The following CACNA1H variants were observed in gnomAD, a reference collection of about 807,000 sequenced individuals.
CACNA1H encodes the protein calcium voltage-gated channel subunit alpha1 H, also known as voltage-dependent T-type calcium channel subunit alpha-1H.
A neutral mutation model predicts 192.5 loss-of-function variants in CACNA1H; 149 were observed. That is an observed-to-expected ratio of 0.77 (90% confidence interval 0.68 to 0.89). The LOEUF (loss-of-function observed/expected upper bound fraction) is 0.89, where lower values mean the gene tolerates loss of function less well. Ranked by LOEUF, CACNA1H falls within the 40% of genes least tolerant of loss-of-function variation. The pLI, the probability that CACNA1H is intolerant of heterozygous loss-of-function variation, is 0.00. For missense variants in CACNA1H, 4,257 were observed against 3,423.5 expected (o/e 1.24, Z -6.08); for synonymous variants, 2,202 against 1,475.2 (o/e 1.49, Z -11.29).
At chr16:1,169,445 C>T (rs1188203793) in intron 2 of CACNA1H, among the ~76,000 whole-genome samples, 2 of 152,210 alleles carry the variant, frequency 1.3e-5, no homozygotes, top group Non-Finnish European at 2.9e-5. Context: ...TGGTCCTCGC[C>T]AGCATGCCCG....
rs1965387520 is a variant in CACNA1H, at chr16:1,180,788, G to T, written c.300-14184G>T. 6.6e-6 allele frequency among the ~76,000 whole-genome samples: 1 copy of T among 152,142 alleles called. No individual in the cohort carries two copies. Among genetic ancestry groups the T allele is most frequent in the Admixed American group, 6.5e-5 (1 of 15,286 alleles). On this transcript the variant is annotated intron_variant, in intron 2 of 34. Transcript: ENST00000348261. The surrounding 1 kb of genome is among the most constrained non-coding windows in gnomAD (Gnocchi z 4.4). ...GCTCCCACAGGGAGGCCCCTTAGGT[G>T]AAGAGGACCAGAGTGAGGTCAGCCC... is the stretch of plus-strand genomic sequence containing the variant.
At chr16:1,170,390 C>T (rs1028982470) in intron 2 of CACNA1H, among the ~76,000 whole-genome samples, 1 of 152,154 alleles carries the variant, frequency 6.6e-6, no homozygotes, top group African/African-American at 2.4e-5. Flanking sequence ...TCCGGGGTAA[C>T]ACTGGGCAGA....
intron 2 of CACNA1H, among the ~76,000 whole-genome samples, chr16:1,168,668 G>T (rs1021821453): frequency 6.6e-6 from 1 of 152,096 alleles, no homozygotes; most frequent in African/African-American, 2.4e-5. Context: ...TTGGCCCTGT[G>T]TCAGGAGCCT....
In CACNA1H at chr16:1,195,303, C is replaced by A. The variant is rs554231331; in HGVS notation, c.412-129C>A. ...GCGAGGCAGGGCTCAGTTCCTGGGG[C>A]TCAGGGCGGGGCAGGGGCGGGGCGA... On this transcript the variant is annotated intron_variant, in intron 3 of 34. Coordinates refer to ENST00000348261, the MANE Select transcript of CACNA1H (RefSeq NM_021098.3). The A allele has an allele frequency of 1.0e-5, 12 of 1,160,546 alleles. No homozygotes were observed. The Admixed American group carries it at 2.5e-4, about 24-fold the overall frequency. The allele number at this position is 1,160,546 out of a possible 1,614,324, so 71.9% of individuals were successfully genotyped here.
In CACNA1H at chr16:1,190,530, CT is replaced by C. The variant is rs1413088342; in HGVS notation, c.300-4441del. ...CAGAGCCCCAGGGGGGCACTGGGACCTGGTACATCTGGCAGTCCCTCTCCAG... is the reference window on the plus strand; with the variant it reads ...CAGAGCCCCAGGGGGGCACTGGGACCGGTACATCTGGCAGTCCCTCTCCAG... On this transcript the variant is annotated intron_variant, in intron 2 of 34. Transcript: ENST00000348261. 9.8e-5 allele frequency among the ~76,000 whole-genome samples: 15 copies of C among 152,346 alleles called. No homozygotes were observed. In the East Asian group the frequency reaches 2.9e-3, roughly 29 times the overall value.
chr16:1,156,633 A>C (rs1013826164), intron 2 of CACNA1H, among the ~76,000 whole-genome samples: 1 of 152,100 alleles, frequency 6.6e-6, no homozygotes, highest in African/African-American at 2.4e-5. Context: ...AGGGCCCCGC[A>C]TCCCTCCTGA....
In CACNA1H at chr16:1,185,152, C is replaced by T. The variant is rs185531215; in HGVS notation, c.300-9820C>T. ...CCAGTTCTTCCCAGCATCATGTTCCCGGGTTCACCTGTGTTGTGGCGTGTG... is the reference window on the plus strand; with the variant it reads ...CCAGTTCTTCCCAGCATCATGTTCCTGGGTTCACCTGTGTTGTGGCGTGTG... On this transcript the variant is annotated intron_variant, in intron 2 of 34. Coordinates refer to ENST00000348261, the MANE Select transcript of CACNA1H (RefSeq NM_021098.3). Among the ~76,000 whole-genome samples, 526 of 152,324 alleles carry T rather than the reference C, an allele frequency of 3.5e-3. 4 individuals carry two copies. Among genetic ancestry groups the T allele is most frequent in the South Asian group, 0.015 (71 of 4,826 alleles).
At position 1,204,362 on chromosome 16, in the gene CACNA1H, G is replaced by A. The variant is rs1008296797; in HGVS notation, c.2355G>A (p.Lys785=). 1.3e-6 allele frequency: 2 copies of A among 1,575,786 alleles called. No homozygotes were observed. The highest frequency in any genetic ancestry group is 1.3e-5 in the African/African-American group (1 of 74,164). The change falls in exon 10 of 35, where the codon AAG becomes AAA. Residue 785 remains lysine, a synonymous_variant. Transcript: ENST00000348261. The part of the protein sequence containing the change: ...MGRLWVTFSG[K]LRRIVDSKYF... ...GCCTCTGGGTTACCTTCAGCGGCAA[G>A]CTGCGCCGCATCGTGGACAGCAAGT...
chr16:1,179,146 A>C lies in CACNA1H; in HGVS notation c.300-15826A>C, dbSNP rs895721476. On this transcript the variant is annotated intron_variant, in intron 2 of 34. Coordinates refer to ENST00000348261, the MANE Select transcript of CACNA1H (RefSeq NM_021098.3). ...TGGGAAGCAAAACCACAGCAGAGCC[A>C]CCCCTGGCTGGGCCTGGCCGTCGTC... Among the ~76,000 whole-genome samples the C allele has an allele frequency of 4.6e-5, 7 of 152,124 alleles. No homozygotes were observed. In the South Asian group the frequency reaches 1.5e-3, roughly 32 times the overall value.
chr16:1,205,056 G>C, intron 10 of CACNA1H, 58 bp from the exon 11 acceptor site: 1 of 1,454,024 alleles, frequency 6.9e-7, no homozygotes, highest in South Asian at 1.2e-5. Flanking sequence ...GATCAGTGCC[G>C]GTGAGGGGTG....
Position 1,219,128 on chromosome 16 carries a change from C to A in CACNA1H, c.6046C>A (p.Gln2016Lys), listed in dbSNP as rs1301389813. 6.5e-7 allele frequency: 1 copy of A among 1,533,766 alleles called. No homozygotes were observed. Among genetic ancestry groups the A allele is most frequent in the Non-Finnish European group, 8.8e-7 (1 of 1,137,882 alleles). ...SPSLSRLLCR[Q>K]EAVHTDSLEG... ...CAGTCTCAGCCGGCTGCTCTGCAGA[C>A]AGGTAGGAGAAGCCGTTGGCCTGCA... Residue 2016 changes from glutamine to lysine, a missense_variant and splice_region_variant, in exon 34 of 35, where the codon CAG becomes AAG. Coordinates refer to ENST00000348261, the MANE Select transcript of CACNA1H (RefSeq NM_021098.3).
At position 1,219,707 on chromosome 16, in the gene CACNA1H, GGCCTCA is replaced by G. The variant is rs555119481; in HGVS notation, c.6049-265_6049-260del. On this transcript the variant is annotated intron_variant, in intron 34 of 34. Coordinates refer to ENST00000348261, the MANE Select transcript of CACNA1H (RefSeq NM_021098.3). ...TGCTGATGTCCAGGGGTGGGGAGGTGGCCTCAGCCTCAGCTCTGTGCCCCTGGGGGC... is the reference window on the plus strand; with the variant it reads ...TGCTGATGTCCAGGGGTGGGGAGGTGGCCTCAGCTCTGTGCCCCTGGGGGC... 5.8e-3 allele frequency among the ~76,000 whole-genome samples: 889 copies of G among 152,328 alleles called. 8 individuals are homozygous for G. The highest frequency in any genetic ancestry group is 0.01 in the Non-Finnish European group (712 of 68,012).
rs754304956 is a variant in CACNA1H, at chr16:1,204,232, C to CCACGCGACCACCCCGTGCGACGGA, written c.2229_2252dup (p.Arg744_Thr751dup). 1.6e-5 allele frequency: 25 copies of CCACGCGACCACCCCGTGCGACGGA among 1,611,012 alleles called. No individual in the cohort carries two copies. The highest frequency in any genetic ancestry group is 2.1e-5 in the Non-Finnish European group (25 of 1,179,212). On this transcript the variant is annotated inframe_insertion, in exon 10 of 35. Transcript: ENST00000348261. ...GTCCGGCACGGTGACCGCTGGGACC[C>CCACGCGACCACCCCGTGCGACGGA]CACGCGACCACCCCGTGCGACGGAC...
chr16:1,159,365 A>G (rs2151638876), intron 2 of CACNA1H, among the ~76,000 whole-genome samples: 1 of 151,500 alleles, frequency 6.6e-6, no homozygotes, highest in African/African-American at 2.4e-5. Context: ...TGCCGAGGGA[A>G]GAACGTCCAG....
chr16:1,176,110 C>G (rs1230976325), intron 2 of CACNA1H, among the ~76,000 whole-genome samples: 2 of 152,256 alleles, frequency 1.3e-5, no homozygotes, highest in Non-Finnish European at 2.9e-5. Context: ...CGCAGATTGG[C>G]TTGCATAATG....
chr16:1,170,440 G>C (rs1455739029), intron 2 of CACNA1H, among the ~76,000 whole-genome samples: 1 of 152,154 alleles, frequency 6.6e-6, no homozygotes, highest in Non-Finnish European at 1.5e-5. Flanking sequence ...GAGACTGGGA[G>C]AGAGACAGAG....
In CACNA1H at chr16:1,208,115, C is replaced by T. The variant is rs1968967930; in HGVS notation, c.3257C>T (p.Pro1086Leu). 1.9e-6 allele frequency: 3 copies of T among 1,594,788 alleles called. No individual in the cohort carries two copies. Among genetic ancestry groups the T allele is most frequent in the African/African-American group, 2.7e-5 (2 of 74,478 alleles). ...LIMCTAATPMPTPKSSPFLDA... is the reference protein window; with the variant it reads ...LIMCTAATPMLTPKSSPFLDA... ...ATGTGCACAGCTGCCACGCCCATGC[C>T]TACCCCCAAGAGCTCACCATTCCTG... Residue 1086 changes from proline to leucine, a missense_variant, in exon 16 of 35, where the codon CCT becomes CTT. Physicochemically the swap from Pro to Leu is moderately conservative, Grantham distance 98 (BLOSUM62 -3). Coordinates refer to ENST00000348261, the MANE Select transcript of CACNA1H (RefSeq NM_021098.3).
At chr16:1,189,463 C>T (rs906563205) in intron 2 of CACNA1H, among the ~76,000 whole-genome samples, 1 of 137,632 alleles carries the variant, frequency 7.3e-6, no homozygotes, top group Non-Finnish European at 1.5e-5. Flanking sequence ...GTCACCCAGC[C>T]TGGAGTGCAG....
intron 2 of CACNA1H, among the ~76,000 whole-genome samples, chr16:1,176,556 G>A (rs1174861286): frequency 6.6e-6 from 1 of 152,248 alleles, no homozygotes; most frequent in East Asian, 1.9e-4. Context: ...ACGGGCCTGG[G>A]CTGCTGTGGG....
Sources: gnomAD v4.1 joint callset for allele counts (sites outside exome capture counted in the v4.1 genomes callset) on GRCh38, gnomAD v4.1.1 for gene constraint, Gnocchi (gnomAD v3.1) non-coding constraint, MANE v1.5 for transcripts, NCBI Gene and HGNC (gene_info 2026-07-23, HGNC 2026-07-21) for gene names.